The following FOXD2 variants were observed in gnomAD, a reference collection of about 807,000 sequenced individuals.
FOXD2 encodes the protein forkhead box D2, also known as forkhead box protein D2.
Under a neutral mutation model 6.4 loss-of-function variants are expected in FOXD2, and 4 were observed. The ratio of observed to expected loss-of-function variants is 0.62; its 90% CI spans 0.31 to 1.42. The LOEUF is 1.42. FOXD2 is among the 40% of genes most tolerant of loss of function. FOXD2 has a pLI of 0.08. For synonymous variants in FOXD2, 393 were observed against 373.6 expected (o/e 1.05, Z -0.60); for missense variants, 709 against 766.8 (o/e 0.92, Z 0.89).
chr1:47,439,405 G>A lies in FOXD2; in HGVS notation c.1270G>A (p.Gly424Arg). ...CCACATCATGGGCCACGGTGGCGGC[G>A]GGGCAGCACCCCCGGGCGCCGGCGA... ...IDHIMGHGGG[G>R]AAPPGAGEGS... The change falls in exon 1 of 1, where the codon GGG (glycine) becomes AGG (arginine). Residue 424 changes from glycine (G) to arginine (R), a missense_variant. This residue lies in a region of FOXD2 where 322 missense variants were observed against 313.8 expected (regional missense o/e 1.03). Coordinates refer to ENST00000334793, the MANE Select transcript of FOXD2 (RefSeq NM_004474.4). 6.5e-7 allele frequency: 1 copy of A among 1,542,602 alleles called. No individual in the cohort carries two copies. Among genetic ancestry groups the A allele is most frequent in the East Asian group, 2.3e-5 (1 of 42,622 alleles).
Position 47,438,620 on chromosome 1 carries a change from C to T in FOXD2, c.485C>T (p.Pro162Leu), listed in dbSNP as rs563170437. The T allele has an allele frequency of 3.7e-6, 6 of 1,613,972 alleles. No homozygotes were observed. In the East Asian group the frequency reaches 1.3e-4, roughly 36 times the overall value. Reference protein sequence around the residue: ...EICEFISGRFPYYREKFPAWQ... With the variant: ...EICEFISGRFLYYREKFPAWQ... ...TGCGAGTTCATCAGCGGCCGCTTCCCCTACTACCGGGAGAAGTTCCCCGCC... is the reference window on the plus strand; with the variant it reads ...TGCGAGTTCATCAGCGGCCGCTTCCTCTACTACCGGGAGAAGTTCCCCGCC... The change falls in exon 1 of 1, where the codon CCC (proline) becomes CTC (leucine). Residue 162 changes from proline to leucine, a missense_variant. Around this residue, in one of 5 missense-constraint regions of FOXD2, gnomAD observed 69 missense variants for 145.6 expected, o/e 0.47. Transcript: ENST00000334793.
rs2124084967 is a variant in FOXD2 at position 47,439,326 on chromosome 1, T to C, written c.1191T>C (p.Gly397=). The C allele has an allele frequency of 1.4e-6, 2 of 1,477,150 alleles. No homozygotes were observed. The highest frequency in any genetic ancestry group is 2.7e-5 in the Admixed American group (1 of 36,542). 91.5% of individuals were successfully genotyped at this position (1,477,150 alleles called of 1,614,324 possible). ...AGGGCCTCAAGACGGACGCGGGCGGTGGTGCAGGCGGCGGGGGCGCCGGGG... is the reference window on the plus strand; with the variant it reads ...AGGGCCTCAAGACGGACGCGGGCGGCGGTGCAGGCGGCGGGGGCGCCGGGG... ...LRQGLKTDAG[G]GAGGGGAGAG... is the part of the protein sequence containing the mutation. The change falls in exon 1 of 1, where the codon GGT becomes GGC. Residue 397 remains glycine, a synonymous_variant. Transcript: ENST00000334793.
In FOXD2 at chr1:47,439,417, C is replaced by A. The variant is rs867297345; in HGVS notation, c.1282C>A (p.Pro428Thr). Reference protein sequence around the residue: ...MGHGGGGAAPPGAGEGSPGPP... With the variant: ...MGHGGGGAAPTGAGEGSPGPP... ...CCACGGTGGCGGCGGGGCAGCACCC[C>A]CGGGCGCCGGCGAGGGCTCTCCGGG... Residue 428 changes from proline (P) to threonine (T), a missense_variant, in exon 1 of 1, where the codon CCG becomes ACG. By Grantham distance (38) the Pro-to-Thr change is conservative. Coordinates refer to ENST00000334793, the MANE Select transcript of FOXD2 (RefSeq NM_004474.4). 1 of 1,540,212 alleles carries A rather than the reference C, an allele frequency of 6.5e-7. No homozygotes were observed. Among genetic ancestry groups the A allele is most frequent in the East Asian group, 2.4e-5 (1 of 42,220 alleles).
Position 47,438,876 on chromosome 1 carries a change from C to T in FOXD2, c.741C>T (p.Ala247=), listed in dbSNP as rs767828847. The change falls in exon 1 of 1, where the codon GCC becomes GCT. Residue 247 remains alanine, a synonymous_variant. Transcript: ENST00000334793. The part of the protein sequence containing the change: ...PHPELLLRGG[A]AAAGDPGAFL... ...CGGAGCTGCTGCTGCGTGGCGGGGC[C>T]GCGGCGGCGGGGGATCCCGGCGCTT... is the stretch of plus-strand genomic sequence containing the variant. 121 of 1,580,906 alleles carry T rather than the reference C, an allele frequency of 7.7e-5. No homozygotes were observed. Among genetic ancestry groups the T allele is most frequent in the Admixed American group, 1.3e-4 (7 of 55,286 alleles).
Position 47,439,470 on chromosome 1 carries a change from TG to T in FOXD2, c.1340del (p.Gly447AlafsTer9). Reference sequence around the variant, plus strand: ...CGCCATTCGCGGCAGCCGCGGGTCCTGGGGGCCAAGCCCAGGTCTTGGCCAT... The same window carrying T: ...CGCCATTCGCGGCAGCCGCGGGTCCTGGGGCCAAGCCCAGGTCTTGGCCAT... ...GPPFAAAAGPGGQAQVLAMLT... is the reference protein window; with the variant it reads ...GPPFAAAAGPXGQAQVLAMLT... On this transcript the variant is annotated frameshift_variant, in exon 1 of 1. Transcript: ENST00000334793. LOFTEE classifies it high-confidence loss of function. 1 of 1,545,324 alleles carries T rather than the reference TG, an allele frequency of 6.5e-7. No individual in the cohort carries two copies. Among genetic ancestry groups the T allele is most frequent in the Non-Finnish European group, 8.7e-7 (1 of 1,148,138 alleles).
At position 47,438,501 on chromosome 1, in the gene FOXD2, G is replaced by A. The variant is rs1646987866; in HGVS notation, c.366G>A (p.Arg122=). ...CGCCGTCGGGGGGCGCGGCGACGCGGAGCCCGCTGGTGAAGCCGCCCTACT... is the reference window on the plus strand; with the variant it reads ...CGCCGTCGGGGGGCGCGGCGACGCGAAGCCCGCTGGTGAAGCCGCCCTACT... ...PGPPSGGAAT[R]SPLVKPPYSY... is the part of the protein sequence containing the mutation. Residue 122 remains arginine, a synonymous_variant, in exon 1 of 1, where the codon CGG becomes CGA. Transcript: ENST00000334793. 6.3e-7 allele frequency: 1 copy of A among 1,587,804 alleles called. No individual in the cohort carries two copies. Among genetic ancestry groups the A allele is most frequent in the South Asian group, 1.1e-5 (1 of 88,632 alleles).
In FOXD2 at chr1:47,439,545, G is replaced by C. The variant is rs777837321; in HGVS notation, c.1410G>C (p.Ser470=). Residue 470 remains serine (S), a synonymous_variant, in exon 1 of 1, where the codon TCG becomes TCC. Transcript: ENST00000334793. ...LAPVAGHIRL[S]HPGDALLSSG... is the part of the protein sequence containing the mutation. ...CCGTTGCTGGCCACATTCGCCTCTC[G>C]CATCCCGGGGACGCGCTGCTGTCCT... 2 of 1,553,442 alleles carry C rather than the reference G, an allele frequency of 1.3e-6. No individual in the cohort carries two copies. The highest frequency in any genetic ancestry group is 1.7e-6 in the Non-Finnish European group (2 of 1,149,450).
At position 47,439,736 on chromosome 1, in the gene FOXD2, G is replaced by A; in HGVS notation, c.*113G>A. 2 of 977,756 alleles carry A rather than the reference G, an allele frequency of 2.0e-6. No homozygotes were observed. The highest frequency in any genetic ancestry group is 3.0e-6 in the Non-Finnish European group (2 of 666,896). The allele number at this position is 977,756 out of a possible 1,614,324, so 60.6% of individuals were successfully genotyped here. ...TTATGAAGTCTCCAGACCTTGGGCC[G>A]GCACGCGTGACACGGCACTTCAGGC... On this transcript the variant is annotated 3_prime_UTR_variant, in exon 1 of 1. Transcript: ENST00000334793.
Position 47,438,628 on chromosome 1 carries a change from C to G in FOXD2, c.493C>G (p.Arg165Gly). ...EFISGRFPYY[R>G]EKFPAWQNSI... ...CATCAGCGGCCGCTTCCCCTACTACCGGGAGAAGTTCCCCGCCTGGCAGAA... is the reference window on the plus strand; with the variant it reads ...CATCAGCGGCCGCTTCCCCTACTACGGGGAGAAGTTCCCCGCCTGGCAGAA... The change falls in exon 1 of 1, where the codon CGG (arginine) becomes GGG (glycine). Residue 165 changes from arginine (R) to glycine (G), a missense_variant. Physicochemically the swap from Arg to Gly is moderately radical, Grantham distance 125. Coordinates refer to ENST00000334793, the MANE Select transcript of FOXD2 (RefSeq NM_004474.4). 1 of 1,613,960 alleles carries G rather than the reference C, an allele frequency of 6.2e-7. No homozygotes were observed. Among genetic ancestry groups the G allele is most frequent in the Non-Finnish European group, 8.5e-7 (1 of 1,179,964 alleles).
Position 47,439,433 on chromosome 1 carries a change from G to C in FOXD2, c.1298G>C (p.Gly433Ala). ...GCAGCACCCCCGGGCGCCGGCGAGGGCTCTCCGGGACCGCCATTCGCGGCA... is the reference window on the plus strand; with the variant it reads ...GCAGCACCCCCGGGCGCCGGCGAGGCCTCTCCGGGACCGCCATTCGCGGCA... ...GGAAPPGAGE[G>A]SPGPPFAAAA... is the part of the protein sequence containing the mutation. Residue 433 changes from glycine (G) to alanine (A), a missense_variant, in exon 1 of 1, where the codon GGC becomes GCC. By Grantham distance (60) the Gly-to-Ala change is moderately conservative. This residue lies in a region of FOXD2 where 322 missense variants were observed against 313.8 expected (regional missense o/e 1.03). Coordinates refer to ENST00000334793, the MANE Select transcript of FOXD2 (RefSeq NM_004474.4). 1 of 1,540,258 alleles carries C rather than the reference G, an allele frequency of 6.5e-7. No homozygotes were observed. Among genetic ancestry groups the C allele is most frequent in the Non-Finnish European group, 8.7e-7 (1 of 1,149,074 alleles).
In FOXD2 at chr1:47,438,076, C is replaced by T. The variant is rs902599712; in HGVS notation, c.-60C>T. The T allele has an allele frequency of 2.3e-6, 3 of 1,311,894 alleles. No individual in the cohort carries two copies. The highest frequency in any genetic ancestry group is 1.9e-6 in the Non-Finnish European group (2 of 1,034,056). The allele number at this position is 1,311,894 out of a possible 1,614,324, so 81.3% of individuals were successfully genotyped here. ...GCACTCGCCCCAGAGGCAGCGCGGC[C>T]GAGCCCGAGCCGCTGCCGGAGCGGA... On this transcript the variant is annotated 5_prime_UTR_variant, in exon 1 of 1. Coordinates refer to ENST00000334793, the MANE Select transcript of FOXD2 (RefSeq NM_004474.4).
chr1:47,438,815 C>T lies in FOXD2; in HGVS notation c.680C>T (p.Pro227Leu). 1 of 1,612,064 alleles carries T rather than the reference C, an allele frequency of 6.2e-7. No homozygotes were observed. Among genetic ancestry groups the T allele is most frequent in the South Asian group, 1.1e-5 (1 of 90,996 alleles). Residue 227 changes from proline (P) to leucine (L), a missense_variant, in exon 1 of 1, where the codon CCC (proline) becomes CTC (leucine). Physicochemically the swap from Pro to Leu is moderately conservative, Grantham distance 98. Around this residue, in one of 5 missense-constraint regions of FOXD2, gnomAD observed 98 missense variants for 91.0 expected, o/e 1.08. Coordinates refer to ENST00000334793, the MANE Select transcript of FOXD2 (RefSeq NM_004474.4). ...CGTCGCAAGCGCTTCAAGCGGCAGC[C>T]CCTGCCGCCGCCGCACCCACACCCG... The part of the protein sequence containing the change: ...LRRRKRFKRQ[P>L]LPPPHPHPHP...
Position 47,439,652 on chromosome 1 carries a change from C to A in FOXD2, c.*29C>A, listed in dbSNP as rs1304094949. 1 of 1,534,780 alleles carries A rather than the reference C, an allele frequency of 6.5e-7. No homozygotes were observed. Among genetic ancestry groups the A allele is most frequent in the South Asian group, 1.2e-5 (1 of 82,412 alleles). ...CAGCAGGCCCAGGGCCGGTTAGGTC[C>A]GCACTCCTCAGCCTCTCCCGGGAGT... On this transcript the variant is annotated 3_prime_UTR_variant, in exon 1 of 1. Transcript: ENST00000334793.
At position 47,439,484 on chromosome 1, in the gene FOXD2, A is replaced by C; in HGVS notation, c.1349A>C (p.Gln450Pro). The C allele has an allele frequency of 6.5e-7, 1 of 1,549,012 alleles. No individual in the cohort carries two copies. Among genetic ancestry groups the C allele is most frequent in the Non-Finnish European group, 8.7e-7 (1 of 1,148,874 alleles). ...AAAAGPGGQA[Q>P]VLAMLTAPAL... ...GCCGCGGGTCCTGGGGGCCAAGCCCAGGTCTTGGCCATGCTGACTGCTCCG... is the reference window on the plus strand; with the variant it reads ...GCCGCGGGTCCTGGGGGCCAAGCCCCGGTCTTGGCCATGCTGACTGCTCCG... Residue 450 changes from glutamine (Q) to proline (P), a missense_variant, in exon 1 of 1, where the codon CAG (glutamine) becomes CCG (proline). Coordinates refer to ENST00000334793, the MANE Select transcript of FOXD2 (RefSeq NM_004474.4).
chr1:47,439,045 G>C lies in FOXD2; in HGVS notation c.910G>C (p.Ala304Pro), dbSNP rs1336051365. The stretch of plus-strand genomic sequence containing the variant: ...CGCTTTCGCCGCGGCAGCCGCCGCC[G>C]CTCCTTGCCAGCTGTCGGTACCCCC... ...AFAFAAAAAA[A>P]PCQLSVPPGR... The change falls in exon 1 of 1, where the codon GCT becomes CCT. Residue 304 changes from alanine (A) to proline (P), a missense_variant. Ala to Pro is a conservative substitution (Grantham distance 27). Around this residue, in one of 5 missense-constraint regions of FOXD2, gnomAD observed 322 missense variants for 313.8 expected, o/e 1.03. Transcript: ENST00000334793. The C allele has an allele frequency of 4.2e-6, 6 of 1,445,284 alleles. No individual in the cohort carries two copies. Among genetic ancestry groups the C allele is most frequent in the Admixed American group, 2.6e-5 (1 of 38,500 alleles). The allele number at this position is 1,445,284 out of a possible 1,614,324, so 89.5% of individuals were successfully genotyped here.
Position 47,439,187 on chromosome 1 carries a change from G to C in FOXD2, c.1052G>C (p.Gly351Ala). The C allele has an allele frequency of 6.9e-7, 1 of 1,442,182 alleles. No homozygotes were observed. Among genetic ancestry groups the C allele is most frequent in the Non-Finnish European group, 9.0e-7 (1 of 1,109,148 alleles). The allele number at this position is 1,442,182 out of a possible 1,614,324, so 89.3% of individuals were successfully genotyped here. A position where few individuals can be genotyped will look rare whatever the true frequency, so the allele number is the denominator to read the frequency against. Residue 351 changes from glycine (G) to alanine (A), a missense_variant, in exon 1 of 1, where the codon GGC becomes GCC. Physicochemically the swap from Gly to Ala is moderately conservative, Grantham distance 60. Transcript: ENST00000334793. ...TCGGGCCCGGGCCCGGGCCCCGCAGGCCTGCCCGCCTTCCTGGGCGCGGAG... is the reference window on the plus strand; with the variant it reads ...TCGGGCCCGGGCCCGGGCCCCGCAGCCCTGCCCGCCTTCCTGGGCGCGGAG... ...SGSGPGPGPA[G>A]LPAFLGAELG...
In FOXD2 at chr1:47,438,762, C is replaced by T. The variant is rs757746299; in HGVS notation, c.627C>T (p.Asp209=). The T allele has an allele frequency of 1.9e-6, 3 of 1,613,732 alleles. No individual in the cohort carries two copies. In the Admixed American group the frequency reaches 5.0e-5, roughly 27 times the overall value. ...GGACGCTGGACCCGGAGTCGGCCGA[C>T]ATGTTCGACAACGGCAGCTTCCTGC... ...NYWTLDPESA[D]MFDNGSFLRR... Residue 209 remains aspartate (D), a synonymous_variant, in exon 1 of 1, where the codon GAC becomes GAT. Transcript: ENST00000334793.
Position 47,439,343 on chromosome 1 carries a change from G to A in FOXD2, c.1208G>A (p.Gly403Asp). The A allele has an allele frequency of 6.7e-7, 1 of 1,488,282 alleles. No individual in the cohort carries two copies. The highest frequency in any genetic ancestry group is 8.8e-7 in the Non-Finnish European group (1 of 1,133,272). 92.2% of individuals were successfully genotyped at this position (1,488,282 alleles called of 1,614,324 possible). ...TDAGGGAGGG[G>D]AGAGQRPSFS... ...GCGGGCGGTGGTGCAGGCGGCGGGG[G>A]CGCCGGGGCAGGGCAGAGGCCTTCC... The change falls in exon 1 of 1, where the codon GGC becomes GAC. Residue 403 changes from glycine (G) to aspartate (D), a missense_variant. By Grantham distance (94) the Gly-to-Asp change is moderately conservative. Coordinates refer to ENST00000334793, the MANE Select transcript of FOXD2 (RefSeq NM_004474.4).
In FOXD2 at chr1:47,439,991, A is replaced by T. The variant is rs1458850287; in HGVS notation, c.*368A>T. 4.2e-6 allele frequency: 1 copy of T among 239,052 alleles called. No individual in the cohort carries two copies. The highest frequency in any genetic ancestry group is 2.3e-5 in the African/African-American group (1 of 43,092). 14.8% of individuals were successfully genotyped at this position (239,052 alleles called of 1,614,324 possible). ...CGGATCCCGCCAGAAACACCAACAG[A>T]GGGTCTCCCTTTCTGCCTTTCCCCT... is the stretch of plus-strand genomic sequence containing the variant. On this transcript the variant is annotated 3_prime_UTR_variant, in exon 1 of 1. Transcript: ENST00000334793.
Sources: gnomAD v4.1 joint callset for allele counts on GRCh38, gnomAD v4.1.1 for gene constraint, gnomAD v4.1.1 regional missense constraint, MANE v1.5 for transcripts, NCBI Gene and HGNC (gene_info 2026-07-23, HGNC 2026-07-21) for gene names.